The following FAM114A1 variants were observed in gnomAD, a reference collection of about 807,000 sequenced individuals.
FAM114A1 encodes protein NOXP20.
In FAM114A1, 62 loss-of-function variants were observed where a neutral mutation model predicts 64.3. The observed-to-expected ratio is 0.96, with a 90% confidence interval of 0.79 to 1.19. The LOEUF (loss-of-function observed/expected upper bound fraction) is 1.19. Among genes scored for constraint, FAM114A1 ranks in the 50% most tolerant of loss-of-function variants. FAM114A1 has a pLI of 0.00. For synonymous variants in FAM114A1, 254 were observed against 251.1 expected, an observed-to-expected ratio of 1.01 and a Z score of -0.11; for missense variants, 645 against 676.3, an observed-to-expected ratio of 0.95 and a Z score of 0.51.
intron 9 of FAM114A1, 66 bp from the exon 10 acceptor site, chr4:38,929,176 G>A: frequency 1.6e-6 from 2 of 1,275,334 alleles, no homozygotes; most frequent in Non-Finnish European, 2.3e-6. Context: ...TGTAATGTTG[G>A]GGGAGCTGCC....
chr4:38,904,708 G>A (rs1431188763), intron 4 of FAM114A1, among the ~76,000 whole-genome samples: 2 of 152,164 alleles, frequency 1.3e-5, no homozygotes, highest in African/African-American at 2.4e-5. Context: ...AACATTCTGA[G>A]GCTCAGGTGA....
intron 12 of FAM114A1, among the ~76,000 whole-genome samples, chr4:38,933,606 G>T (rs1175974073): frequency 1.3e-5 from 2 of 152,166 alleles, no homozygotes; most frequent in East Asian, 3.8e-4. Context: ...ATATGAATAT[G>T]CAATCTAGTG....
intron 4 of FAM114A1, among the ~76,000 whole-genome samples, chr4:38,893,224 C>T (rs937195028): frequency 4.6e-5 from 7 of 152,270 alleles, no homozygotes; most frequent in African/African-American, 1.7e-4. Context: ...GATCTTGCCA[C>T]TGGTGGCACT....
chr4:38,921,008 A>G (rs1007500194), intron 8 of FAM114A1, among the ~76,000 whole-genome samples: 2 of 152,208 alleles, frequency 1.3e-5, no homozygotes, highest in Non-Finnish European at 2.9e-5. Flanking sequence ...GTGTCCTGGT[A>G]TCCCAGATGC....
intron 3 of FAM114A1, among the ~76,000 whole-genome samples, chr4:38,885,308 C>T (rs947270673): frequency 6.6e-6 from 1 of 152,094 alleles, no homozygotes; most frequent in Non-Finnish European, 1.5e-5. Flanking sequence ...CTCTCTCTCT[C>T]TCTGTTGCCC....
intron 9 of FAM114A1, among the ~76,000 whole-genome samples, chr4:38,925,091 T>C (rs896913229): frequency 1.3e-5 from 2 of 151,798 alleles, no homozygotes; most frequent in African/African-American, 4.9e-5. Context: ...TTCAGTAAAT[T>C]CAGTTTCTTT....
At chr4:38,901,201 T>C (rs553217677) in intron 4 of FAM114A1, among the ~76,000 whole-genome samples, 3 of 152,306 alleles carry the variant, frequency 2.0e-5, no homozygotes, top group South Asian at 4.1e-4. Context: ...CATTGAGCTA[T>C]CCAGTCATCC....
At chr4:38,878,508 G>A in intron 3 of FAM114A1, 82 bp downstream of exon 3, 1 of 1,288,074 alleles carries the variant, frequency 7.8e-7, no homozygotes, top group Non-Finnish European at 1.1e-6. Flanking sequence ...AAGCTCTGTG[G>A]GTGGGAATTG....
At chr4:38,890,412 A>G (rs908374033) in intron 3 of FAM114A1, among the ~76,000 whole-genome samples, 2 of 150,750 alleles carry the variant, frequency 1.3e-5, no homozygotes, top group Admixed American at 1.3e-4. Context: ...AAAAAAAAAA[A>G]CAAAAAAAAA....
At chr4:38,869,992 T>C (rs1412853687) in intron 2 of FAM114A1, among the ~76,000 whole-genome samples, 2 of 152,116 alleles carry the variant, frequency 1.3e-5, no homozygotes, top group Non-Finnish European at 2.9e-5. Context: ...GTCCTGCAGG[T>C]GGAGTTTGGA....
intron 7 of FAM114A1, among the ~76,000 whole-genome samples, chr4:38,913,683 C>A (rs1051257461): frequency 6.6e-6 from 1 of 152,264 alleles, no homozygotes; most frequent in African/African-American, 2.4e-5. Flanking sequence ...AGCCACCGTG[C>A]CTGGCCCTAA....
At chr4:38,903,482 T>C (rs543245180) in intron 4 of FAM114A1, among the ~76,000 whole-genome samples, 4 of 152,190 alleles carry the variant, frequency 2.6e-5, no homozygotes, top group African/African-American at 9.7e-5. Flanking sequence ...CTCATTTTTT[T>C]CCTTGATTTT....
At position 38,883,298 on chromosome 4, in the gene FAM114A1, C is replaced by T. The variant is rs115895389; in HGVS notation, c.348+4872C>T. Among the ~76,000 whole-genome samples, 218 of 152,250 alleles carry T rather than the reference C, an allele frequency of 1.4e-3. 1 individual carries two copies. Among genetic ancestry groups the T allele is most frequent in the African/African-American group, 4.7e-3 (197 of 41,542 alleles). ...AGGCTTTAGACAGAGCATTTAAATT[C>T]GTCTTAAAGAATCAGAGAAGTCTTC... On this transcript the variant is annotated intron_variant, in intron 3 of 14. Coordinates refer to ENST00000358869, the MANE Select transcript of FAM114A1 (RefSeq NM_138389.4).
intron 10 of FAM114A1, among the ~76,000 whole-genome samples, chr4:38,931,237 C>G (rs898025259): frequency 5.9e-5 from 9 of 151,934 alleles, no homozygotes; most frequent in African/African-American, 2.2e-4. Flanking sequence ...CTTTCCATAC[C>G]TTCTGTTCTG....
intron 13 of FAM114A1, among the ~76,000 whole-genome samples, chr4:38,937,433 A>G (rs1454598597): frequency 1.3e-5 from 2 of 151,948 alleles, no homozygotes; most frequent in African/African-American, 4.8e-5. Flanking sequence ...CCTTCCCTCC[A>G]TGCATGTCTG....
rs751522847 is a variant in FAM114A1 at position 38,929,226 on chromosome 4, C to T, written c.1070-16C>T. ...GAAAAATAAATCACGCTTCTTCTGT[C>T]GTGTTCTATTTCTAGGCTTAGAAGA... On this transcript the variant is annotated splice_polypyrimidine_tract_variant and intron_variant, in intron 9 of 14. Coordinates refer to ENST00000358869, the MANE Select transcript of FAM114A1 (RefSeq NM_138389.4). 6.3e-5 allele frequency: 99 copies of T among 1,582,468 alleles called. 1 individual carries two copies. The East Asian group carries it at 7.6e-4, about 12-fold the overall frequency.
At chr4:38,911,719 A>G (rs978223663) in intron 7 of FAM114A1, among the ~76,000 whole-genome samples, 1 of 152,074 alleles carries the variant, frequency 6.6e-6, no homozygotes, top group Non-Finnish European at 1.5e-5. Flanking sequence ...TTTACACACT[A>G]AAGAAATATA....
At chr4:38,902,846 C>T (rs1168684948) in intron 4 of FAM114A1, among the ~76,000 whole-genome samples, 2 of 152,060 alleles carry the variant, frequency 1.3e-5, no homozygotes, top group African/African-American at 4.8e-5. Context: ...CACTCCCAAT[C>T]AAAAGGCAAC....
At chr4:38,880,090 A>AGTAGAATAG (rs3067658) in intron 3 of FAM114A1, among the ~76,000 whole-genome samples, 1 of 92,944 alleles carries the variant, frequency 1.1e-5, no homozygotes. Flanking sequence ...AAATAAAATA[A>AGTAGAATAG]AATAAAATAA....
Sources: allele counts gnomAD v4.1 joint callset (sites outside exome capture counted in the v4.1 genomes callset), GRCh38; gene constraint gnomAD v4.1.1; transcripts MANE v1.5; gene names NCBI Gene and HGNC (gene_info 2026-07-23, HGNC 2026-07-21).